BAALC: variants seen among roughly 807,000 people sequenced by gnomAD.
The protein encoded by BAALC is BAALC binder of MAP3K1 and KLF4, also known as brain and acute leukemia cytoplasmic protein.
A neutral mutation model predicts 15.5 loss-of-function variants in BAALC; 9 were observed. That is an observed-to-expected ratio of 0.58 (90% CI 0.35 to 1.02). The LOEUF is 1.02. BAALC is among the 50% of genes least tolerant of loss of function. The pLI, the probability that BAALC is intolerant of heterozygous loss-of-function variation, is 0.02. For synonymous variants in BAALC, 80 were observed against 74.6 expected, an observed-to-expected ratio of 1.07 and a Z score of -0.37; for missense variants, 201 against 192.4, an observed-to-expected ratio of 1.04 and a Z score of -0.27.
At chr8:103,143,372 G>A (rs569448355) in intron 1 of BAALC, among the ~76,000 whole-genome samples, 3 of 152,244 alleles carry the variant, frequency 2.0e-5, no homozygotes, top group Admixed American at 6.5e-5. Context: ...CAGTGGCTGC[G>A]TTGTGATAGG....
chr8:103,223,956 C>T (rs1482486621), intron 2 of BAALC, among the ~76,000 whole-genome samples: 1 of 152,186 alleles, frequency 6.6e-6, no homozygotes, highest in African/African-American at 2.4e-5. Context: ...CTATTCCATG[C>T]CCCAGTCCTC....
At chr8:103,182,768 G>A (rs1037167881) in intron 1 of BAALC, among the ~76,000 whole-genome samples, 1 of 152,194 alleles carries the variant, frequency 6.6e-6, no homozygotes, top group Admixed American at 6.5e-5. Flanking sequence ...AGCTTTTCCA[G>A]CTGCAAGTGA....
At chr8:103,147,997 T>C (rs1372254935) in intron 1 of BAALC, among the ~76,000 whole-genome samples, 2 of 152,212 alleles carry the variant, frequency 1.3e-5, no homozygotes, top group Non-Finnish European at 2.9e-5. Flanking sequence ...CTTGAGAATG[T>C]TGTTCTTTTA....
chr8:103,199,803 C>CTCT (rs1812174889), intron 1 of BAALC, among the ~76,000 whole-genome samples: 1 of 152,244 alleles, frequency 6.6e-6, no homozygotes, highest in African/African-American at 2.4e-5. Flanking sequence ...GATTTTTCCT[C>CTCT]CCTCCCACCC....
chr8:103,142,674 C>A (rs182347716), intron 1 of BAALC, among the ~76,000 whole-genome samples: 15 of 152,248 alleles, frequency 9.9e-5, no homozygotes, highest in Non-Finnish European at 2.2e-4. Context: ...GCCGTGGTGA[C>A]TGGGAGTATA....
intron 1 of BAALC, among the ~76,000 whole-genome samples, chr8:103,208,849 G>A (rs538066025): frequency 7.2e-4 from 110 of 152,254 alleles, no homozygotes; most frequent in Middle Eastern, 6.8e-3. Context: ...TGCATTGGGA[G>A]AAGGGAGAAG....
chr8:103,143,679 C>T (rs1028183550), intron 1 of BAALC, among the ~76,000 whole-genome samples: 1 of 152,178 alleles, frequency 6.6e-6, no homozygotes, highest in Non-Finnish European at 1.5e-5. Context: ...CCTTTGGTGT[C>T]AAACTGAAGC....
At chr8:103,203,004 C>G (rs1376491002) in intron 1 of BAALC, 1 of 152,250 alleles carries the variant, frequency 6.6e-6, no homozygotes, top group Non-Finnish European at 1.5e-5. Context: ...ATTAGCTTGT[C>G]TGTTGTCTCC....
At chr8:103,169,960 C>T (rs1811440973) in intron 1 of BAALC, among the ~76,000 whole-genome samples, 1 of 152,066 alleles carries the variant, frequency 6.6e-6, no homozygotes, top group Admixed American at 6.6e-5. Context: ...TCCTGAGTTC[C>T]TTGGGGACAG....
At chr8:103,196,214 C>T (rs1479907212) in intron 1 of BAALC, among the ~76,000 whole-genome samples, 1 of 152,136 alleles carries the variant, frequency 6.6e-6, no homozygotes, top group Non-Finnish European at 1.5e-5. Flanking sequence ...TATGTCTATC[C>T]CTTAGGTCAT....
intron 1 of BAALC, chr8:103,208,263 G>A (rs1307165608): frequency 6.6e-6 from 1 of 152,214 alleles, no homozygotes; most frequent in Non-Finnish European, 1.5e-5. Flanking sequence ...GCCCCATGAA[G>A]GTGGCAGTAT....
intron 1 of BAALC, among the ~76,000 whole-genome samples, chr8:103,174,677 C>T (rs1004070759): frequency 2.6e-5 from 4 of 152,220 alleles, no homozygotes; most frequent in African/African-American, 9.6e-5. Context: ...GGCACCTTGG[C>T]CATGCTTCAT....
Position 103,229,640 on chromosome 8 carries a change from T to G in BAALC, c.*1541T>G, listed in dbSNP as rs1812881476. ...GTGACTTCATAACTAGGAGACTGAA[T>G]TAGACCCTTAAGGTATAGTGTGTGT... is the stretch of plus-strand genomic sequence containing the variant. On this transcript the variant is annotated 3_prime_UTR_variant, in exon 3 of 3. Transcript: ENST00000309982. 1 of 152,190 alleles carries G rather than the reference T, an allele frequency of 6.6e-6. No individual in the cohort carries two copies. The highest frequency in any genetic ancestry group is 2.1e-4 in the South Asian group (1 of 4,832). The allele number at this position is 152,190 out of a possible 1,614,324, so 9.4% of individuals were successfully genotyped here.
In BAALC at chr8:103,141,075, T is replaced by C; in HGVS notation, c.160+18T>C. 1 of 1,443,368 alleles carries C rather than the reference T, an allele frequency of 6.9e-7. No individual in the cohort carries two copies. The highest frequency in any genetic ancestry group is 9.1e-7 in the Non-Finnish European group (1 of 1,102,186). The allele number at this position is 1,443,368 out of a possible 1,614,324, so 89.4% of individuals were successfully genotyped here. A position where few individuals can be genotyped will look rare whatever the true frequency, so the allele number is the denominator to read the frequency against. ...GCACTCGGGTAAGTGGCCGGGCCCC[T>C]GCAGACCCTCGCCCGCCCGCTACCC... is the stretch of plus-strand genomic sequence containing the variant. On this transcript the variant is annotated intron_variant, in intron 1 of 2. Coordinates refer to ENST00000309982, the MANE Select transcript of BAALC (RefSeq NM_024812.3).
At chr8:103,158,132 C>A (rs567951646) in intron 1 of BAALC, among the ~76,000 whole-genome samples, 2 of 152,120 alleles carry the variant, frequency 1.3e-5, no homozygotes, top group African/African-American at 4.8e-5. Context: ...ATAGGTTTCC[C>A]ATTTCCTCCC....
At chr8:103,150,943 C>A (rs1025199843) in intron 1 of BAALC, among the ~76,000 whole-genome samples, 2 of 152,152 alleles carry the variant, frequency 1.3e-5, no homozygotes, top group Non-Finnish European at 2.9e-5. Context: ...TGGGCCTCAA[C>A]CTGCTCTCTT....
chr8:103,167,523 G>T (rs1369587872), intron 1 of BAALC, among the ~76,000 whole-genome samples: 1 of 152,154 alleles, frequency 6.6e-6, no homozygotes, highest in East Asian at 1.9e-4. Context: ...GGCAGAAGAG[G>T]TAGATAGCAT....
chr8:103,173,261 A>G (rs923801722), intron 1 of BAALC, among the ~76,000 whole-genome samples: 7 of 152,232 alleles, frequency 4.6e-5, no homozygotes, highest in Non-Finnish European at 7.3e-5. Flanking sequence ...TTTCCATCAC[A>G]GGGCTCCTGC....
chr8:103,185,112 G>A (rs1026084508), intron 1 of BAALC, among the ~76,000 whole-genome samples: 3 of 151,950 alleles, frequency 2.0e-5, no homozygotes, highest in African/African-American at 7.3e-5. Context: ...GCAGCTTTCT[G>A]CTTGATTTGG....
Sources: gnomAD v4.1 joint callset for allele counts (sites outside exome capture counted in the v4.1 genomes callset) on GRCh38, gnomAD v4.1.1 for gene constraint, MANE v1.5 for transcripts, NCBI Gene and HGNC (gene_info 2026-07-23, HGNC 2026-07-21) for gene names.